The following UACA variants were observed in gnomAD, a reference collection of about 807,000 sequenced individuals.
UACA encodes the protein uveal autoantigen with coiled-coil domains and ankyrin repeats.
A neutral mutation model predicts 160.5 loss-of-function variants in UACA; 112 were observed. That is an observed-to-expected ratio of 0.70 (90% confidence interval 0.60 to 0.82). The LOEUF is 0.82. Ranked by LOEUF, UACA falls within the 40% of genes least tolerant of loss-of-function variation. UACA has a pLI of 0.00. For synonymous variants in UACA, 557 were observed against 568.4 expected, an observed-to-expected ratio of 0.98 and a Z score of 0.29; for missense variants, 1,574 against 1,614.6, an observed-to-expected ratio of 0.97 and a Z score of 0.43.
Position 70,763,521 on chromosome 15 carries a change from T to G in UACA, c.-114A>C, listed in dbSNP as rs4777306. On this transcript the variant is annotated 5_prime_UTR_variant, in exon 1 of 19. Coordinates refer to ENST00000322954, the MANE Select transcript of UACA (RefSeq NM_018003.4). ...CGGCGCGGGCTGTACCAGCCCCACCTGCCTGCCACCTGCGGGCCCCGGGCA... is the reference window on the plus strand; with the variant it reads ...CGGCGCGGGCTGTACCAGCCCCACCGGCCTGCCACCTGCGGGCCCCGGGCA... 239,627 of 1,245,082 alleles carry G rather than the reference T, an allele frequency of 0.19. 26,019 individuals are homozygous for G. Among genetic ancestry groups the G allele is most frequent in the African/African-American group, 0.42 (27,306 of 64,404 alleles). The allele number at this position is 1,245,082 out of a possible 1,614,324, so 77.1% of individuals were successfully genotyped here.
In UACA at chr15:70,687,746, TTAC is replaced by T. The variant is rs1366362978; in HGVS notation, c.495+1_495+3del. 1.6e-5 allele frequency: 26 copies of T among 1,613,688 alleles called. No individual in the cohort carries two copies. Among genetic ancestry groups the T allele is most frequent in the Non-Finnish European group, 2.2e-5 (26 of 1,179,740 alleles). On this transcript the variant is annotated splice_donor_variant and splice_donor_region_variant and intron_variant, in intron 6 of 18. Coordinates refer to ENST00000322954, the MANE Select transcript of UACA (RefSeq NM_018003.4). LOFTEE classifies it high-confidence loss of function. Reference sequence around the variant, plus strand: ...GAAATGAGAATAAACATAAACTAACTTACTACATCTTTGGCATTCACAGAGGCC... The same window carrying T: ...GAAATGAGAATAAACATAAACTAACTTACATCTTTGGCATTCACAGAGGCC...
At chr15:70,702,235 C>T in intron 1 of UACA, 3 of 1,082,684 alleles carry the variant, frequency 2.8e-6, no homozygotes, top group Non-Finnish European at 3.4e-6. Context: ...TTTGAGGGAC[C>T]CCACTGGAAA....
At chr15:70,706,535 A>C (rs1898527989) in intron 1 of UACA, among the ~76,000 whole-genome samples, 1 of 151,794 alleles carries the variant, frequency 6.6e-6, no homozygotes, top group Non-Finnish European at 1.5e-5. Flanking sequence ...AAAAAAAAAA[A>C]AACTCTAAAG....
intron 7 of UACA, among the ~76,000 whole-genome samples, chr15:70,685,719 T>C (rs1363974353): frequency 6.6e-6 from 1 of 152,134 alleles, no homozygotes; most frequent in African/African-American, 2.4e-5. Context: ...GTGAGAGCTA[T>C]AAAAAATATA....
At chr15:70,697,130 G>A (rs1238204788) in intron 2 of UACA, among the ~76,000 whole-genome samples, 2 of 152,136 alleles carry the variant, frequency 1.3e-5, no homozygotes, top group Non-Finnish European at 2.9e-5. Context: ...TATGTAACCT[G>A]GACAAATGTT....
rs747843231 is a variant in UACA at position 70,667,566 on chromosome 15, G to A, written c.3118C>T (p.Leu1040Phe). 108 of 1,612,664 alleles carry A rather than the reference G, an allele frequency of 6.7e-5. No individual in the cohort carries two copies. The highest frequency in any genetic ancestry group is 9.0e-5 in the Non-Finnish European group (106 of 1,179,864). Residue 1040 changes from leucine (L) to phenylalanine (F), a missense_variant, in exon 16 of 19, where the codon CTT (leucine) becomes TTT (phenylalanine). Coordinates refer to ENST00000322954, the MANE Select transcript of UACA (RefSeq NM_018003.4). Reference protein sequence around the residue: ...NDKLKKEIFTLQKDLRDKTVL... With the variant: ...NDKLKKEIFTFQKDLRDKTVL... ...GTCTTATCTCTCAAATCTTTCTGAA[G>A]GGTAAAAATCTCCTTCTTTAACTTG...
chr15:70,699,444 T>TA, intron 2 of UACA, 83 bp downstream of exon 2: 1 of 1,476,846 alleles, frequency 6.8e-7, no homozygotes, highest in East Asian at 2.3e-5. Flanking sequence ...AGTAAGTTGA[T>TA]AACTACAATT....
intron 5 of UACA, among the ~76,000 whole-genome samples, chr15:70,689,857 ATC>A (rs1040745661): frequency 3.1e-4 from 47 of 152,284 alleles, no homozygotes; most frequent in African/African-American, 1.1e-3. Context: ...ATCAGTATAA[ATC>A]TCTTTTAAAA....
intron 1 of UACA, among the ~76,000 whole-genome samples, chr15:70,762,988 AG>A (rs113943175): frequency 0.29 from 44,530 of 151,842 alleles, 7,565 homozygotes; most frequent in African/African-American, 0.45. Context: ...GAGAGCGACG[AG>A]GGGGGGTCAA....
At position 70,681,481 on chromosome 15, in the gene UACA, C is replaced by T. The variant is rs116555344; in HGVS notation, c.822+1277G>A. 4.1e-3 allele frequency: 622 copies of T among 152,298 alleles called. 5 individuals carry two copies. The highest frequency in any genetic ancestry group is 0.014 in the African/African-American group (590 of 41,564). 9.4% of individuals were successfully genotyped at this position (152,298 alleles called of 1,614,324 possible). ...CTTTCTGTTCCTAGTAGAATATTAA[C>T]TCCTTGTATTCACTTCAATATTTCC... On this transcript the variant is annotated intron_variant, in intron 9 of 18. Transcript: ENST00000322954.
intron 3 of UACA, among the ~76,000 whole-genome samples, chr15:70,692,308 C>A (rs1358386524): frequency 6.6e-6 from 1 of 152,036 alleles, no homozygotes; most frequent in Admixed American, 6.6e-5. Flanking sequence ...ACTATAGGCT[C>A]GTGCCACCAT....
At chr15:70,677,401 T>A (rs1440178905) in intron 11 of UACA, among the ~76,000 whole-genome samples, 1 of 152,226 alleles carries the variant, frequency 6.6e-6, no homozygotes, top group African/African-American at 2.4e-5. Context: ...ATCTTCTGTC[T>A]ACTTTTTCCT....
intron 1 of UACA, among the ~76,000 whole-genome samples, chr15:70,729,118 A>G (rs1007368218): frequency 1.3e-5 from 2 of 152,232 alleles, no homozygotes; most frequent in African/African-American, 4.8e-5. Context: ...CACTGTGGAA[A>G]GCAGTTTGGA....
At chr15:70,720,980 G>A (rs1196472232) in intron 1 of UACA, among the ~76,000 whole-genome samples, 1 of 152,162 alleles carries the variant, frequency 6.6e-6, no homozygotes, top group African/African-American at 2.4e-5. Flanking sequence ...TGGATCTTAG[G>A]ATGAAAATGT....
Position 70,669,424 on chromosome 15 carries a change from T to A in UACA, c.1260A>T (p.Arg420Ser). ...SPGIPAHMQS[R>S]SMLRPLELSL... Reference sequence around the variant, plus strand: ...ATAGTTCCAGAGGTCTTAACATAGATCTGCTTTGCATATGGGCTGGTATAC... The same window carrying A: ...ATAGTTCCAGAGGTCTTAACATAGAACTGCTTTGCATATGGGCTGGTATAC... Residue 420 changes from arginine to serine, a missense_variant, in exon 16 of 19, where the codon AGA becomes AGT. Coordinates refer to ENST00000322954, the MANE Select transcript of UACA (RefSeq NM_018003.4). 6.2e-7 allele frequency: 1 copy of A among 1,609,662 alleles called. No individual in the cohort carries two copies. The highest frequency in any genetic ancestry group is 8.5e-7 in the Non-Finnish European group (1 of 1,178,668).
At chr15:70,679,007 T>C (rs1391727929) in intron 10 of UACA, among the ~76,000 whole-genome samples, 3 of 152,192 alleles carry the variant, frequency 2.0e-5, no homozygotes, top group South Asian at 4.1e-4. Flanking sequence ...CTTTTTCTAA[T>C]ATATATTAAA....
intron 1 of UACA, among the ~76,000 whole-genome samples, chr15:70,752,244 A>G (rs1207361853): frequency 6.6e-6 from 1 of 151,678 alleles, no homozygotes; most frequent in Non-Finnish European, 1.5e-5. Context: ...CATCAAAAAA[A>G]AAAAAAAAAA....
At chr15:70,699,257 T>C (rs545137599) in intron 2 of UACA, among the ~76,000 whole-genome samples, 1 of 152,268 alleles carries the variant, frequency 6.6e-6, no homozygotes, top group African/African-American at 2.4e-5. Flanking sequence ...AAAAGGCTTA[T>C]AATGAAAATG....
In UACA at chr15:70,682,800, G is replaced by T; in HGVS notation, c.785-5C>A. The stretch of plus-strand genomic sequence containing the variant: ...CTTTCTTCCAAAGTTCTCTCCCTAA[G>T]ATTTAGAGAAAAAGAGAAACAACAA... On this transcript the variant is annotated splice_region_variant and splice_polypyrimidine_tract_variant and intron_variant, in intron 8 of 18. Coordinates refer to ENST00000322954, the MANE Select transcript of UACA (RefSeq NM_018003.4). 1 of 1,556,476 alleles carries T rather than the reference G, an allele frequency of 6.4e-7. No homozygotes were observed. The highest frequency in any genetic ancestry group is 8.7e-7 in the Non-Finnish European group (1 of 1,154,036).
Sources: allele counts gnomAD v4.1 joint callset (sites outside exome capture counted in the v4.1 genomes callset), GRCh38; gene constraint gnomAD v4.1.1; transcripts MANE v1.5; gene names NCBI Gene and HGNC (gene_info 2026-07-23, HGNC 2026-07-21).